Variants in SYN2 observed in about 807,000 individuals in gnomAD.
The protein encoded by SYN2 is synapsin-2.
Under a neutral mutation model 50.9 loss-of-function variants are expected in SYN2, and 19 were observed. The ratio of observed to expected loss-of-function variants is 0.37; its 90% CI spans 0.26 to 0.55. SYN2 has a LOEUF of 0.55. Among genes scored for constraint, SYN2 ranks in the 20% least tolerant of loss-of-function variants. The probability of loss-of-function intolerance (pLI) is 0.81; values close to 1 mark genes in which losing one functional copy is unlikely to be tolerated. For missense variants in SYN2, 587 were observed against 576.4 expected, an observed-to-expected ratio of 1.02 and a Z score of -0.19; for synonymous variants, 255 against 224.9, an observed-to-expected ratio of 1.13 and a Z score of -1.20.
intron 4 of SYN2, among the ~76,000 whole-genome samples, chr3:12,146,756 GAGAGTGACTTATGATGGCTTT>G (rs1480085935): frequency 5.3e-5 from 8 of 152,136 alleles, no homozygotes. Context: ...GGCTAGGAGG[GAGAGTGACTTATGATGGCTTT>G]GGGGGCACTC....
intron 1 of SYN2, among the ~76,000 whole-genome samples, chr3:12,079,242 C>CTTT (rs1432797288): frequency 6.6e-6 from 1 of 152,176 alleles, no homozygotes; most frequent in Non-Finnish European, 1.5e-5. Context: ...ATCATGTCAT[C>CTTT]TGTAAACAAA....
At chr3:12,174,716 A>G (rs1315534742) in intron 10 of SYN2, among the ~76,000 whole-genome samples, 1 of 152,096 alleles carries the variant, frequency 6.6e-6, no homozygotes, top group African/African-American at 2.4e-5. Context: ...TCCTGACCTC[A>G]TGATCCGCCC....
chr3:12,189,405 T>G (rs1698405296), intron 12 of SYN2, among the ~76,000 whole-genome samples: 2 of 152,184 alleles, frequency 1.3e-5, no homozygotes, highest in South Asian at 4.1e-4. Context: ...AAGAAACTTG[T>G]AAAGGCCTGA....
At chr3:12,063,307 C>T (rs1050008836) in intron 1 of SYN2, among the ~76,000 whole-genome samples, 5 of 151,938 alleles carry the variant, frequency 3.3e-5, no homozygotes, top group Admixed American at 2.6e-4. Flanking sequence ...TGTAAAATAA[C>T]TCACTGAAAT....
chr3:12,052,341 G>A (rs571831512), intron 1 of SYN2, among the ~76,000 whole-genome samples: 2 of 151,218 alleles, frequency 1.3e-5, no homozygotes, highest in Non-Finnish European at 2.9e-5. Context: ...GATAGGAGCT[G>A]TGCTTAGCAC....
At chr3:12,046,491 A>T (rs1044974511) in intron 1 of SYN2, among the ~76,000 whole-genome samples, 4 of 152,198 alleles carry the variant, frequency 2.6e-5, no homozygotes, top group Non-Finnish European at 5.9e-5. Flanking sequence ...AGGATTTTGC[A>T]CTTTATTCTC....
chr3:12,004,928 G>T lies in SYN2; in HGVS notation c.377G>T (p.Trp126Leu). 1.8e-6 allele frequency: 1 copy of T among 555,230 alleles called. No homozygotes were observed. The highest frequency in any genetic ancestry group is 2.1e-5 in the South Asian group (1 of 46,648). 34.4% of individuals were successfully genotyped at this position (555,230 alleles called of 1,614,324 possible). ...LLVVDEPHAD[W>L]AKCFRGKKVL... ...GTGGTCGACGAGCCGCACGCCGACTGGTAGGTGCCGGGCGCCGCCGCCCTC... is the reference window on the plus strand; with the variant it reads ...GTGGTCGACGAGCCGCACGCCGACTTGTAGGTGCCGGGCGCCGCCGCCCTC... Residue 126 changes from tryptophan to leucine, a missense_variant and splice_region_variant, in exon 1 of 13, where the codon TGG becomes TTG. By Grantham distance (61) the Trp-to-Leu change is moderately conservative. Coordinates refer to ENST00000621198, the MANE Select transcript of SYN2 (RefSeq NM_133625.6).
At chr3:12,063,544 C>T (rs1259240672) in intron 1 of SYN2, among the ~76,000 whole-genome samples, 1 of 151,934 alleles carries the variant, frequency 6.6e-6, no homozygotes, top group Non-Finnish European at 1.5e-5. Context: ...TGGAAGTTCA[C>T]AGATAAACAT....
intron 1 of SYN2, among the ~76,000 whole-genome samples, chr3:12,090,318 CTT>C (rs1695798498): frequency 6.6e-6 from 1 of 152,106 alleles, no homozygotes; most frequent in Admixed American, 6.6e-5. Flanking sequence ...CTGTCTCTGA[CTT>C]TATGAATGTA....
At chr3:12,107,953 G>A (rs1001609411) in intron 1 of SYN2, among the ~76,000 whole-genome samples, 1 of 152,196 alleles carries the variant, frequency 6.6e-6, no homozygotes, top group African/African-American at 2.4e-5. Flanking sequence ...GTTTATGCCT[G>A]TAATCCCAGC....
chr3:12,139,067 G>A (rs1184838426), intron 1 of SYN2, among the ~76,000 whole-genome samples: 1 of 152,232 alleles, frequency 6.6e-6, no homozygotes, highest in Non-Finnish European at 1.5e-5. Context: ...AAGCTGGTGT[G>A]AAGCTTAATA....
At chr3:12,148,240 G>A (rs893999585) in intron 4 of SYN2, among the ~76,000 whole-genome samples, 5 of 152,234 alleles carry the variant, frequency 3.3e-5, no homozygotes, top group Admixed American at 1.3e-4. Flanking sequence ...CTGGTGAGGG[G>A]TCACACTCTC....
At chr3:12,038,875 T>G (rs931139505) in intron 1 of SYN2, among the ~76,000 whole-genome samples, 1 of 152,168 alleles carries the variant, frequency 6.6e-6, no homozygotes, top group Non-Finnish European at 1.5e-5. Context: ...TTTTACTTCT[T>G]CTTTTCCAAT....
intron 1 of SYN2, among the ~76,000 whole-genome samples, chr3:12,062,183 TTCAA>T (rs1695125816): frequency 1.3e-5 from 2 of 152,020 alleles, no homozygotes; most frequent in Admixed American, 6.6e-5. Flanking sequence ...ATAGATCTAT[TTCAA>T]TCAATGGAAC....
chr3:12,128,400 G>A (rs1696718916), intron 1 of SYN2, among the ~76,000 whole-genome samples: 2 of 152,132 alleles, frequency 1.3e-5, no homozygotes, highest in African/African-American at 4.8e-5. Context: ...TTGCTCTAAG[G>A]AGGCAGCATG....
chr3:12,068,566 T>C (rs1695271464), intron 1 of SYN2, among the ~76,000 whole-genome samples: 1 of 152,264 alleles, frequency 6.6e-6, no homozygotes, highest in African/African-American at 2.4e-5. Context: ...AATTCCTTCA[T>C]TGTTGATTTC....
At chr3:12,045,846 G>A (rs562948340) in intron 1 of SYN2, among the ~76,000 whole-genome samples, 2 of 152,212 alleles carry the variant, frequency 1.3e-5, no homozygotes, top group African/African-American at 4.8e-5. Flanking sequence ...GAGTTAAGAA[G>A]AAAAAAGTTA....
chr3:12,102,941 T>G (rs160114), intron 1 of SYN2, among the ~76,000 whole-genome samples: 142,110 of 152,154 alleles, frequency 0.93, 66,456 homozygotes, highest in East Asian at 1. Context: ...AGTGATGAGA[T>G]AAAATAACTG....
chr3:12,008,201 G>A (rs1292012803), intron 1 of SYN2, among the ~76,000 whole-genome samples: 3 of 152,132 alleles, frequency 2.0e-5, no homozygotes, highest in African/African-American at 7.2e-5. Flanking sequence ...CGGAGATTCT[G>A]ACCCCAGTGA....
Sources: allele counts gnomAD v4.1 joint callset (sites outside exome capture counted in the v4.1 genomes callset), GRCh38; gene constraint gnomAD v4.1.1; transcripts MANE v1.5; gene names NCBI Gene and HGNC (gene_info 2026-07-23, HGNC 2026-07-21).